The following LMNTD1 variants were observed in gnomAD, a reference collection of about 807,000 sequenced individuals.
LMNTD1 encodes lamin tail domain-containing protein 1.
Under a neutral mutation model 50.9 loss-of-function variants are expected in LMNTD1, and 35 were observed. The observed-to-expected ratio is 0.69, with a 90% confidence interval of 0.53 to 0.91. LMNTD1 has a LOEUF of 0.91. Among genes scored for constraint, LMNTD1 ranks in the 40% least tolerant of loss-of-function variants. The pLI is 0.00. For missense variants in LMNTD1, 470 were observed against 475.5 expected (o/e 0.99, Z 0.11); for synonymous variants, 153 against 161.9 (o/e 0.94, Z 0.42).
chr12:25,566,551 G>A (rs924556801), intron 1 of LMNTD1, among the ~76,000 whole-genome samples: 7 of 152,190 alleles, frequency 4.6e-5, no homozygotes, highest in African/African-American at 1.7e-4. Flanking sequence ...TTTCCATAGT[G>A]GTTGTGCTAG....
At chr12:25,601,710 A>C (rs909272586) in intron 1 of LMNTD1, among the ~76,000 whole-genome samples, 2 of 151,950 alleles carry the variant, frequency 1.3e-5, no homozygotes, top group African/African-American at 4.8e-5. Flanking sequence ...AAGAAAGAAA[A>C]TCAATACCTA....
chr12:25,476,278 G>C lies in LMNTD1; in HGVS notation c.*205C>G, dbSNP rs1164930812. 1 of 152,174 alleles carries C rather than the reference G, an allele frequency of 6.6e-6. No homozygotes were observed. Among genetic ancestry groups the C allele is most frequent in the Admixed American group, 6.5e-5 (1 of 15,282 alleles). 9.4% of individuals were successfully genotyped at this position (152,174 alleles called of 1,614,324 possible). On this transcript the variant is annotated 3_prime_UTR_variant, in exon 10 of 10. Transcript: ENST00000458174. ...TTGGAAGGCAGGAGTGGTAGGACTT[G>C]TGATTTCATCAAGCATCTATAATTC...
chr12:25,588,996 A>C (rs1042938474), intron 1 of LMNTD1, among the ~76,000 whole-genome samples: 1 of 152,190 alleles, frequency 6.6e-6, no homozygotes, highest in Non-Finnish European at 1.5e-5. Context: ...AAGTCTTAGT[A>C]AGGGTATAGA....
intron 1 of LMNTD1, among the ~76,000 whole-genome samples, chr12:25,637,648 C>G (rs1262870635): frequency 2.6e-5 from 4 of 152,008 alleles, no homozygotes; most frequent in Non-Finnish European, 5.9e-5. Flanking sequence ...ATTAAGCACA[C>G]CAACTTCATT....
chr12:25,630,657 C>A (rs1946696689), intron 1 of LMNTD1: 1 of 152,248 alleles, frequency 6.6e-6, no homozygotes. Context: ...AGCAGAAAGG[C>A]CCCTTGAGCT....
chr12:25,570,464 A>G (rs1944740865), intron 1 of LMNTD1, among the ~76,000 whole-genome samples: 1 of 152,184 alleles, frequency 6.6e-6, no homozygotes, highest in Non-Finnish European at 1.5e-5. Context: ...GCATTCAATC[A>G]ATCAACAAAT....
rs759206369 is a variant in LMNTD1 at position 25,546,418 on chromosome 12, T to C, written c.447A>G (p.Lys149=). The change falls in exon 4 of 10, where the codon AAA becomes AAG. Residue 149 remains lysine, a synonymous_variant. Coordinates refer to ENST00000458174, the MANE Select transcript of LMNTD1 (RefSeq NM_001145728.2). ...AHSNYTQKTL[K]YFSMILEEVG... Reference sequence around the variant, plus strand: ...CTTCTTCAAGAATCATAGAAAAGTATTTTAAAGTTTTCTGAGTGTAGTTTG... The same window carrying C: ...CTTCTTCAAGAATCATAGAAAAGTACTTTAAAGTTTTCTGAGTGTAGTTTG... 1.2e-5 allele frequency: 19 copies of C among 1,595,066 alleles called. No individual in the cohort carries two copies. Among genetic ancestry groups the C allele is most frequent in the African/African-American group, 2.7e-5 (2 of 73,996 alleles).
At chr12:25,624,638 C>A (rs990358158) in intron 1 of LMNTD1, among the ~76,000 whole-genome samples, 6 of 151,970 alleles carry the variant, frequency 3.9e-5, no homozygotes, top group African/African-American at 1.4e-4. Context: ...ATAAACTGGG[C>A]ACATTCAAAT....
intron 9 of LMNTD1, among the ~76,000 whole-genome samples, chr12:25,490,175 A>G (rs1938837403): frequency 6.6e-6 from 1 of 152,216 alleles, no homozygotes; most frequent in Admixed American, 6.5e-5. Flanking sequence ...AAAAGTTAGC[A>G]AGAAATAAGC....
intron 9 of LMNTD1, among the ~76,000 whole-genome samples, chr12:25,480,047 C>T (rs990047889): frequency 6.6e-6 from 1 of 152,174 alleles, no homozygotes; most frequent in Admixed American, 6.5e-5. Flanking sequence ...GAGTGGTGTC[C>T]ACAGAGTGCA....
rs568765214 is a variant in LMNTD1 at position 25,620,186 on chromosome 12, A to T, written c.58+28308T>A. On this transcript the variant is annotated intron_variant, in intron 1 of 7. Transcript: ENST00000445693. ...AAGAAACTGTGTTTTCCCACAAGTG[A>T]TTGCGTTTTAGATGGAATAGCAACA... 2.0e-5 allele frequency among the ~76,000 whole-genome samples: 3 copies of T among 152,290 alleles called. No individual in the cohort carries two copies. The East Asian group carries it at 5.8e-4, about 29-fold the overall frequency.
intron 1 of LMNTD1, among the ~76,000 whole-genome samples, chr12:25,560,530 T>A (rs1310488788): frequency 6.6e-6 from 1 of 152,226 alleles, no homozygotes; most frequent in Non-Finnish European, 1.5e-5. Flanking sequence ...ATGAGGGCTC[T>A]TTTTTGGTTC....
chr12:25,588,118 A>C (rs1368481390), intron 1 of LMNTD1, among the ~76,000 whole-genome samples: 1 of 152,198 alleles, frequency 6.6e-6, no homozygotes, highest in African/African-American at 2.4e-5. Flanking sequence ...GTAAATGTGA[A>C]GTGTGGGTGT....
chr12:25,501,158 T>A (rs1939366155), intron 9 of LMNTD1, among the ~76,000 whole-genome samples: 1 of 151,936 alleles, frequency 6.6e-6, no homozygotes. Flanking sequence ...CCCAGCTAAT[T>A]TTTGTATTTT....
At chr12:25,637,341 T>C (rs11048140) in intron 1 of LMNTD1, among the ~76,000 whole-genome samples, 3 of 152,098 alleles carry the variant, frequency 2.0e-5, no homozygotes, top group African/African-American at 4.8e-5. Context: ...AGAAATAAAG[T>C]AAACCAAGTT....
Position 25,548,564 on chromosome 12 carries a change from T to C in LMNTD1, c.310+762A>G, listed in dbSNP as rs74070536. 3.0e-3 allele frequency among the ~76,000 whole-genome samples: 455 copies of C among 152,092 alleles called. 4 individuals are homozygous for C. Among genetic ancestry groups the C allele is most frequent in the African/African-American group, 0.011 (438 of 41,568 alleles). On this transcript the variant is annotated intron_variant, in intron 3 of 9. Transcript: ENST00000458174. ...TAGGATAGCCCTGTGACATTTCTATTTTAATCCCCATTTGCATTTGTGGAA... is the reference window on the plus strand; with the variant it reads ...TAGGATAGCCCTGTGACATTTCTATCTTAATCCCCATTTGCATTTGTGGAA...
At chr12:25,638,640 C>G (rs1356457561) in intron 1 of LMNTD1, among the ~76,000 whole-genome samples, 2 of 151,872 alleles carry the variant, frequency 1.3e-5, no homozygotes, top group Non-Finnish European at 2.9e-5. Context: ...AAATGTAAAA[C>G]TTGTGCTCTG....
chr12:25,521,888 A>G (rs955385185), intron 6 of LMNTD1, among the ~76,000 whole-genome samples: 2 of 152,218 alleles, frequency 1.3e-5, no homozygotes, highest in Non-Finnish European at 2.9e-5. Flanking sequence ...TTTCCTGAAT[A>G]TGTGACATGT....
intron 9 of LMNTD1, among the ~76,000 whole-genome samples, chr12:25,487,300 T>G (rs1246388356): frequency 7.5e-6 from 1 of 132,666 alleles, no homozygotes; most frequent in Non-Finnish European, 1.6e-5. Context: ...AGGACTTGCT[T>G]TATGAATCTG....
Sources: allele counts gnomAD v4.1 joint callset (sites outside exome capture counted in the v4.1 genomes callset), GRCh38; gene constraint gnomAD v4.1.1; transcripts MANE v1.5; gene names NCBI Gene and HGNC (gene_info 2026-07-23, HGNC 2026-07-21).